Variants in CARMIL2 observed in about 807,000 individuals in gnomAD.
CARMIL2 encodes the protein capping protein regulator and myosin 1 linker 2.
A neutral mutation model predicts 173.3 loss-of-function variants in CARMIL2; 96 were observed. The ratio of observed to expected loss-of-function variants is 0.55; its 90% CI spans 0.47 to 0.66. The LOEUF (loss-of-function observed/expected upper bound fraction) is 0.66, where lower values mean the gene tolerates loss of function less well. CARMIL2 is among the 30% of genes least tolerant of loss of function. CARMIL2 has a pLI of 0.00. For synonymous variants in CARMIL2, 830 were observed against 817.1 expected (o/e 1.02, Z -0.27); for missense variants, 1,771 against 1,906.7 (o/e 0.93, Z 1.33).
rs1197623750 is a variant in CARMIL2 at position 67,645,242 on chromosome 16, G to A, written c.-5G>A. On this transcript the variant is annotated 5_prime_UTR_variant, in exon 1 of 38. Transcript: ENST00000334583. ...CTCGTTGGGCCTCCCCGGCCCGCCC[G>A]GCCCATGGCCCAGACCCCCGACGGC... 8.2e-6 allele frequency: 13 copies of A among 1,592,384 alleles called. No homozygotes were observed. In the Admixed American group the frequency reaches 1.0e-4, roughly 13 times the overall value.
Position 67,653,193 on chromosome 16 carries a change from C to T in CARMIL2, c.3059C>T (p.Thr1020Ile), listed in dbSNP as rs1268385720. 2 of 1,123,780 alleles carry T rather than the reference C, an allele frequency of 1.8e-6. No individual in the cohort carries two copies. The highest frequency in any genetic ancestry group is 2.2e-6 in the Non-Finnish European group (2 of 918,548). 69.6% of individuals were successfully genotyped at this position (1,123,780 alleles called of 1,614,324 possible). ...GCGGGGCAGCCCCTGCGCCATCCGACCCGGGCCCGGCCGCGGCCGCGCCGC... is the reference window on the plus strand; with the variant it reads ...GCGGGGCAGCCCCTGCGCCATCCGATCCGGGCCCGGCCGCGGCCGCGCCGC... Reference protein sequence around the residue: ...PLAGQPLRHPTRARPRPRRQH... With the variant: ...PLAGQPLRHPIRARPRPRRQH... The change falls in exon 29 of 38, where the codon ACC becomes ATC. Residue 1020 changes from threonine (T) to isoleucine (I), a missense_variant. Transcript: ENST00000334583. This position sits in a 1 kb window ranked among gnomAD's most constrained non-coding sequence, Gnocchi z 7.4.
At position 67,652,301 on chromosome 16, in the gene CARMIL2, C is replaced by G. The variant is rs1264910993; in HGVS notation, c.2779C>G (p.Leu927Val). Residue 927 changes from leucine (L) to valine (V), a missense_variant, in exon 27 of 38, where the codon CTT becomes GTT. Physicochemically the swap from Leu to Val is conservative, Grantham distance 32 (BLOSUM62 1). This residue lies in a region of CARMIL2 where 817 missense variants were observed against 903.5 expected (regional missense o/e 0.90). Coordinates refer to ENST00000334583, the MANE Select transcript of CARMIL2 (RefSeq NM_001013838.3). This position sits in a 1 kb window ranked among gnomAD's most constrained non-coding sequence, Gnocchi z 4.7. ...SLLEPGELEG[L>V]FFPEEKEEEK... ...CCTTGAGCCTGGGGAATTGGAAGGT[C>G]TTTTCTTCCCCGAGGAGAAGGAAGA... The G allele has an allele frequency of 1.2e-6, 2 of 1,613,232 alleles. No homozygotes were observed. The highest frequency in any genetic ancestry group is 1.7e-5 in the Admixed American group (1 of 60,004).
chr16:67,656,517 G>A lies in CARMIL2; in HGVS notation c.3908G>A (p.Arg1303His), dbSNP rs779724796. Residue 1303 changes from arginine to histidine, a missense_variant, in exon 35 of 38, where the codon CGT becomes CAT. Transcript: ENST00000334583. Reference sequence around the variant, plus strand: ...CAGTTGAATGCGGAGCTCAGGAGCCGTGGTTGGGGCCAACAGGATGGTCCA... The same window carrying A: ...CAGTTGAATGCGGAGCTCAGGAGCCATGGTTGGGGCCAACAGGATGGTCCA... Reference protein sequence around the residue: ...GQQLNAELRSRGWGQQDGPGP... With the variant: ...GQQLNAELRSHGWGQQDGPGP... 1.9e-5 allele frequency: 30 copies of A among 1,613,418 alleles called. No individual in the cohort carries two copies. Among genetic ancestry groups the A allele is most frequent in the African/African-American group, 5.3e-5 (4 of 74,924 alleles).
At position 67,648,301 on chromosome 16, in the gene CARMIL2, G is replaced by T; in HGVS notation, c.1321G>T (p.Val441Phe). The part of the protein sequence containing the change: ...SLTHLDASRN[V>F]FSRTKSRAAP... ...TACCCACCTCGACGCTTCGAGGAACGTCTTCTCCCGCACGTAAGGGGGACC... is the reference window on the plus strand; with the variant it reads ...TACCCACCTCGACGCTTCGAGGAACTTCTTCTCCCGCACGTAAGGGGGACC... The change falls in exon 14 of 38, where the codon GTC becomes TTC. Residue 441 changes from valine (V) to phenylalanine (F), a missense_variant. By Grantham distance (50) the Val-to-Phe change is conservative. Coordinates refer to ENST00000334583, the MANE Select transcript of CARMIL2 (RefSeq NM_001013838.3). This position sits in a 1 kb window ranked among gnomAD's most constrained non-coding sequence, Gnocchi z 6.1. 1 of 1,591,186 alleles carries T rather than the reference G, an allele frequency of 6.3e-7. No homozygotes were observed. Among genetic ancestry groups the T allele is most frequent in the Non-Finnish European group, 8.5e-7 (1 of 1,176,014 alleles).
chr16:67,657,183 G>A lies in CARMIL2; in HGVS notation c.4118-56G>A. On this transcript the variant is annotated intron_variant, in intron 36 of 37. Transcript: ENST00000334583. This position sits in a 1 kb window ranked among gnomAD's most constrained non-coding sequence, Gnocchi z 4.5. ...ACTGGAGGTGGAAGAGAGGGGCAGG[G>A]GATGGACAGACCCCAAGCCTTAGCA... 1.3e-6 allele frequency: 2 copies of A among 1,494,882 alleles called. No individual in the cohort carries two copies. Among genetic ancestry groups the A allele is most frequent in the Non-Finnish European group, 9.3e-7 (1 of 1,080,632 alleles). The allele number at this position is 1,494,882 out of a possible 1,614,324, so 92.6% of individuals were successfully genotyped here.
Position 67,647,555 on chromosome 16 carries a change from C to G in CARMIL2, c.824C>G (p.Ser275Cys), listed in dbSNP as rs1163277007. ...CAGGCGCTGGCGGGACACTCAAGCT[C>G]TGGGCTGCGGGAGCTCAGCCTCGCG... Reference protein sequence around the residue: ...LAQALAGHSSSGLRELSLAGN... With the variant: ...LAQALAGHSSCGLRELSLAGN... The change falls in exon 11 of 38, where the codon TCT (serine) becomes TGT (cysteine). Residue 275 changes from serine to cysteine, a missense_variant. Ser to Cys is a moderately radical substitution (Grantham distance 112). Coordinates refer to ENST00000334583, the MANE Select transcript of CARMIL2 (RefSeq NM_001013838.3). 6.2e-7 allele frequency: 1 copy of G among 1,611,108 alleles called. No individual in the cohort carries two copies.
chr16:67,656,430 C>T lies in CARMIL2; in HGVS notation c.3821C>T (p.Ser1274Phe). The change falls in exon 35 of 38, where the codon TCC becomes TTC. Residue 1274 changes from serine to phenylalanine, a missense_variant. Coordinates refer to ENST00000334583, the MANE Select transcript of CARMIL2 (RefSeq NM_001013838.3). ...GACACCTTTCTCCCTACAGACCCTT[C>T]CTGCAGACCTGGCCCAGGGAGCCAG... ...SRTHSVSADP[S>F]CRPGPGSQGP... 1 of 1,608,808 alleles carries T rather than the reference C, an allele frequency of 6.2e-7. No individual in the cohort carries two copies. The highest frequency in any genetic ancestry group is 8.5e-7 in the Non-Finnish European group (1 of 1,176,884).
At chr16:67,656,175 T>C in intron 33 of CARMIL2, 53 bp from the exon 34 acceptor site, 1 of 1,611,500 alleles carries the variant, frequency 6.2e-7, no homozygotes, top group South Asian at 1.1e-5. Context: ...GCCAGGTTTT[T>C]CTTCCCCTCA....
Position 67,649,849 on chromosome 16 carries a change from C to A in CARMIL2, c.1963C>A (p.Leu655Met). ...DRNHTSALGL[L>M]DVAQALEQNH... ...GAACCACACATCTGCTTTGGGTCTG[C>A]TGGACGTGGCGCAGGCGCTGGAGCA... The change falls in exon 21 of 38, where the codon CTG (leucine) becomes ATG (methionine). Residue 655 changes from leucine to methionine, a missense_variant. This residue lies in a region of CARMIL2 where 944 missense variants were observed against 975.6 expected (regional missense o/e 0.97). Transcript: ENST00000334583. This position sits in a 1 kb window ranked among gnomAD's most constrained non-coding sequence, Gnocchi z 6.7. 4 of 1,612,832 alleles carry A rather than the reference C, an allele frequency of 2.5e-6. No individual in the cohort carries two copies. In the South Asian group the frequency reaches 4.4e-5, roughly 18 times the overall value.
At position 67,656,474 on chromosome 16, in the gene CARMIL2, T is replaced by A; in HGVS notation, c.3865T>A (p.Trp1289Arg). ...GAGCCAGGGGCCTGAGTCTGCCACC[T>A]GGAAGACACTGGGGCAGCAGTTGAA... ...PGSQGPESAT[W>R]KTLGQQLNAE... The change falls in exon 35 of 38, where the codon TGG (tryptophan) becomes AGG (arginine). Residue 1289 changes from tryptophan (W) to arginine (R), a missense_variant. Physicochemically the swap from Trp to Arg is moderately radical, Grantham distance 101. Around this residue, in one of 3 missense-constraint regions of CARMIL2, gnomAD observed 817 missense variants for 903.5 expected, o/e 0.90. Transcript: ENST00000334583. The A allele has an allele frequency of 6.2e-7, 1 of 1,612,448 alleles. No homozygotes were observed. The highest frequency in any genetic ancestry group is 8.5e-7 in the Non-Finnish European group (1 of 1,179,242).
At chr16:67,650,842 T>A (rs911061215) in intron 22 of CARMIL2, 1 of 245,306 alleles carries the variant, frequency 4.1e-6, no homozygotes, top group African/African-American at 2.2e-5. Flanking sequence ...CCACACCAAT[T>A]ATCCCTTGCT....
chr16:67,657,156 G>A lies in CARMIL2; in HGVS notation c.4118-83G>A, dbSNP rs2052879136. 6.5e-6 allele frequency: 8 copies of A among 1,231,464 alleles called. No homozygotes were observed. The highest frequency in any genetic ancestry group is 9.4e-6 in the Non-Finnish European group (8 of 853,164). 76.3% of individuals were successfully genotyped at this position (1,231,464 alleles called of 1,614,324 possible). On this transcript the variant is annotated intron_variant, in intron 36 of 37. Transcript: ENST00000334583. The surrounding 1 kb of genome is among the most constrained non-coding windows in gnomAD (Gnocchi z 4.5). ...AGTGTGTGTGAGTGCATGCTTATGT[G>A]CACTGGAGGTGGAAGAGAGGGGCAG...
chr16:67,654,183 TCA>T lies in CARMIL2; in HGVS notation c.3156_3157del (p.Ser1053CysfsTer31). The T allele has an allele frequency of 6.4e-7, 1 of 1,557,704 alleles. No homozygotes were observed. ...GCCTTGCCGCAGGAAGGGAATGGGC[TCA>T]GTGCCCGCGTGGACGAGGGCGTGGA... On this transcript the variant is annotated frameshift_variant, in exon 30 of 38. Coordinates refer to ENST00000334583, the MANE Select transcript of CARMIL2 (RefSeq NM_001013838.3). LOFTEE classifies it high-confidence loss of function.
rs373445324 is a variant in CARMIL2, at chr16:67,649,648, C to A, written c.1919+29C>A. On this transcript the variant is annotated intron_variant, in intron 20 of 37. Coordinates refer to ENST00000334583, the MANE Select transcript of CARMIL2 (RefSeq NM_001013838.3). The surrounding 1 kb of genome is among the most constrained non-coding windows in gnomAD (Gnocchi z 6.7). ...GGCGGGGTCAGAGGGGTGGGACCAG[C>A]GGGCAGGGGGCGCGGTGGAGAGGAG... 21 of 1,506,226 alleles carry A rather than the reference C, an allele frequency of 1.4e-5. No individual in the cohort carries two copies. The African/African-American group carries it at 1.6e-4, about 11-fold the overall frequency. 93.3% of individuals were successfully genotyped at this position (1,506,226 alleles called of 1,614,324 possible). A position where few individuals can be genotyped will look rare whatever the true frequency, so the allele number is the denominator to read the frequency against.
chr16:67,649,675 G>A lies in CARMIL2; in HGVS notation c.1919+56G>A, dbSNP rs1323832388. On this transcript the variant is annotated intron_variant, in intron 20 of 37. Transcript: ENST00000334583. The surrounding 1 kb of genome is among the most constrained non-coding windows in gnomAD (Gnocchi z 6.7). ...GGCAGGGGGCGCGGTGGAGAGGAGG[G>A]CACCGGGCTAAGGGGAGGGACTGAA... The A allele has an allele frequency of 4.5e-6, 7 of 1,557,104 alleles. No homozygotes were observed. The East Asian group carries it at 1.4e-4, about 30-fold the overall frequency.
intron 8 of CARMIL2, 51 bp downstream of exon 8, chr16:67,647,024 C>G (rs778542115): frequency 1.2e-6 from 2 of 1,603,062 alleles, no homozygotes; most frequent in Non-Finnish European, 1.7e-6. Flanking sequence ...GGCCCATATC[C>G]CTGGGCCTCA....
chr16:67,650,504 C>A (rs2052703876), intron 22 of CARMIL2: 1 of 343,542 alleles, frequency 2.9e-6, no homozygotes, highest in African/African-American at 2.1e-5. Context: ...CCTTCACTGT[C>A]TTCATCTCCC....
Position 67,647,673 on chromosome 16 carries a change from C to A in CARMIL2, c.872-7C>A. The A allele has an allele frequency of 6.2e-7, 1 of 1,600,194 alleles. No individual in the cohort carries two copies. The highest frequency in any genetic ancestry group is 8.5e-7 in the Non-Finnish European group (1 of 1,174,422). On this transcript the variant is annotated splice_region_variant and splice_polypyrimidine_tract_variant and intron_variant, in intron 11 of 37. Transcript: ENST00000334583. Reference sequence around the variant, plus strand: ...TGAGACCCACGTGGCTGTTCCCACCCCCCAAGGCATGACTGCACTCAGCAG... The same window carrying A: ...TGAGACCCACGTGGCTGTTCCCACCACCCAAGGCATGACTGCACTCAGCAG...
In CARMIL2 at chr16:67,649,580, A is replaced by G; in HGVS notation, c.1880A>G (p.Lys627Arg). Residue 627 changes from lysine (K) to arginine (R), a missense_variant, in exon 20 of 38, where the codon AAG becomes AGG. Physicochemically the swap from Lys to Arg is conservative, Grantham distance 26. Around this residue, in one of 3 missense-constraint regions of CARMIL2, gnomAD observed 944 missense variants for 975.6 expected, o/e 0.97. Coordinates refer to ENST00000334583, the MANE Select transcript of CARMIL2 (RefSeq NM_001013838.3). The surrounding 1 kb of genome is among the most constrained non-coding windows in gnomAD (Gnocchi z 6.7). ...AACGCCATGGGGGACGCGGGCGCCA[A>G]GTTGCTGGCCAAGGCGCTGCGGGTC... ...SGNAMGDAGA[K>R]LLAKALRVNS... The G allele has an allele frequency of 6.3e-7, 1 of 1,593,276 alleles. No homozygotes were observed. Among genetic ancestry groups the G allele is most frequent in the South Asian group, 1.1e-5 (1 of 90,938 alleles).
Sources: allele counts gnomAD v4.1 joint callset, GRCh38; gene constraint gnomAD v4.1.1; regional missense constraint gnomAD v4.1.1; non-coding constraint Gnocchi (gnomAD v3.1); transcripts MANE v1.5; gene names NCBI Gene and HGNC (gene_info 2026-07-23, HGNC 2026-07-21).